The following CSMD3 variants were observed in gnomAD, a reference collection of about 807,000 sequenced individuals.
CSMD3 encodes CUB and Sushi multiple domains 3, also known as CUB and sushi domain-containing protein 3.
CSMD3 carries 177 observed loss-of-function variants against 435.2 expected under a neutral mutation model. That is an observed-to-expected ratio of 0.41 (90% CI 0.36 to 0.46). The LOEUF is 0.46. Ranked by LOEUF, CSMD3 falls within the 20% of genes least tolerant of loss-of-function variation. CSMD3 has a pLI of 0.34. For missense variants in CSMD3, 4,265 were observed against 4,504.6 expected (o/e 0.95, Z 1.52); for synonymous variants, 1,656 against 1,520.5 (o/e 1.09, Z -2.07).
At chr8:112,352,305 A>T (rs570347408) in intron 39 of CSMD3, 111 bp downstream of exon 39, 399 of 1,539,808 alleles carry the variant, frequency 2.6e-4, no homozygotes, top group Non-Finnish European at 3.4e-4. Flanking sequence ...TTTTGACCTC[A>T]GACACAAACC....
intron 3 of CSMD3, among the ~76,000 whole-genome samples, chr8:113,274,845 G>A (rs1481949746): frequency 1.5e-5 from 2 of 137,026 alleles, no homozygotes; most frequent in East Asian, 5.1e-4. Context: ...GAGAGAAAGA[G>A]AGAGAGAAAG....
chr8:112,330,227 C>T (rs544802259), intron 45 of CSMD3, among the ~76,000 whole-genome samples: 12 of 152,084 alleles, frequency 7.9e-5, no homozygotes, highest in African/African-American at 2.9e-4. Context: ...GTAGCATAAC[C>T]GTAAAAGATG....
chr8:112,677,448 T>C (rs1486307781), intron 16 of CSMD3, among the ~76,000 whole-genome samples: 2 of 150,654 alleles, frequency 1.3e-5, no homozygotes, highest in African/African-American at 4.9e-5. Context: ...TAAAAATCTC[T>C]GTTATTTATC....
Position 112,262,697 on chromosome 8 carries a change from C to T in CSMD3, c.9862+942G>A, listed in dbSNP as rs571682047. Among the ~76,000 whole-genome samples, 273 of 152,102 alleles carry T rather than the reference C, an allele frequency of 1.8e-3. 1 individual carries two copies. The highest frequency in any genetic ancestry group is 6.2e-3 in the African/African-American group (256 of 41,498). On this transcript the variant is annotated intron_variant, in intron 61 of 70. Coordinates refer to ENST00000297405, the MANE Select transcript of CSMD3 (RefSeq NM_198123.2). ...AAAGTGAATAGTGAACATAAAAGCC[C>T]TCTTGCAAAAGCACAGCTGAGTGCT...
At chr8:113,281,118 A>AT in intron 2 of CSMD3, among the ~76,000 whole-genome samples, 1 of 151,698 alleles carries the variant, frequency 6.6e-6, no homozygotes, top group Non-Finnish European at 1.5e-5. Flanking sequence ...AGTTTCATGC[A>AT]TTGTTTAATA....
chr8:112,467,759 C>T (rs970365923), intron 32 of CSMD3, among the ~76,000 whole-genome samples: 1 of 152,042 alleles, frequency 6.6e-6, no homozygotes, highest in Non-Finnish European at 1.5e-5. Flanking sequence ...TTAGGAGAAA[C>T]GGTCTTGTGA....
intron 54 of CSMD3, among the ~76,000 whole-genome samples, chr8:112,294,361 C>G (rs1238719057): frequency 1.3e-5 from 2 of 151,964 alleles, no homozygotes; most frequent in Non-Finnish European, 2.9e-5. Context: ...AATCTTTATC[C>G]TATGATCCTA....
intron 45 of CSMD3, among the ~76,000 whole-genome samples, chr8:112,323,824 G>T (rs1163749704): frequency 6.6e-6 from 1 of 151,924 alleles, no homozygotes; most frequent in African/African-American, 2.4e-5. Flanking sequence ...TTGTACAAAG[G>T]ACTCTGAAAA....
At chr8:112,346,759 A>G (rs1341288268) in intron 40 of CSMD3, among the ~76,000 whole-genome samples, 1 of 139,986 alleles carries the variant, frequency 7.1e-6, no homozygotes, top group East Asian at 2.1e-4. Flanking sequence ...GCTCACTGCA[A>G]GCTCCGCCTC....
intron 36 of CSMD3, among the ~76,000 whole-genome samples, chr8:112,387,483 G>GTA (rs1830077277): frequency 6.6e-6 from 1 of 151,580 alleles, no homozygotes; most frequent in African/African-American, 2.4e-5. Context: ...GTGTGTGTGT[G>GTA]TGTGTGTGTG....
chr8:112,522,770 C>A (rs941949449), intron 27 of CSMD3, among the ~76,000 whole-genome samples: 3 of 152,006 alleles, frequency 2.0e-5, no homozygotes, highest in Admixed American at 2.0e-4. Context: ...ATGGCTCTAA[C>A]TACTGCAAAA....
At chr8:113,337,063 C>T (rs79528563) in intron 1 of CSMD3, among the ~76,000 whole-genome samples, 4,508 of 152,138 alleles carry the variant, frequency 0.03, 89 homozygotes, top group Admixed American at 0.04. Flanking sequence ...TTTCTTGGTC[C>T]TTTGGGTACA....
chr8:113,334,255 T>C (rs1245183350), intron 1 of CSMD3, among the ~76,000 whole-genome samples: 1 of 149,862 alleles, frequency 6.7e-6, no homozygotes, highest in East Asian at 2.0e-4. Context: ...ACTTACAATA[T>C]CTGCAACTAG....
chr8:113,289,938 C>T (rs374383602), intron 2 of CSMD3, among the ~76,000 whole-genome samples: 143 of 151,688 alleles, frequency 9.4e-4, no homozygotes, highest in African/African-American at 3.0e-3. Flanking sequence ...CACCCACTCT[C>T]GGTTTTAGCA....
chr8:113,100,946 T>G (rs2090311970), intron 4 of CSMD3, among the ~76,000 whole-genome samples: 1 of 152,086 alleles, frequency 6.6e-6, no homozygotes, highest in African/African-American at 2.4e-5. Flanking sequence ...GTCGGTCTCC[T>G]TCCTTGTTTC....
At chr8:113,255,114 G>A (rs1371121335) in intron 3 of CSMD3, among the ~76,000 whole-genome samples, 1 of 152,040 alleles carries the variant, frequency 6.6e-6, no homozygotes, top group African/African-American at 2.4e-5. Context: ...AGATTTATTG[G>A]ACAAGAGACA....
intron 9 of CSMD3, among the ~76,000 whole-genome samples, chr8:112,928,782 TAG>T (rs2082998064): frequency 6.7e-6 from 1 of 150,258 alleles, no homozygotes. Context: ...GCATGATTTA[TAG>T]TCCTTTGGGT....
intron 10 of CSMD3, among the ~76,000 whole-genome samples, chr8:112,895,547 A>T (rs2081926117): frequency 6.6e-6 from 1 of 151,426 alleles, no homozygotes; most frequent in Non-Finnish European, 1.5e-5. Context: ...AAAGAAAATG[A>T]ATAGGTGGAT....
intron 13 of CSMD3, among the ~76,000 whole-genome samples, chr8:112,758,160 C>T (rs1417590890): frequency 6.6e-6 from 1 of 151,642 alleles, no homozygotes; most frequent in Non-Finnish European, 1.5e-5. Context: ...CAAGACCAGC[C>T]TGGCCAAGAT....
Sources: allele counts gnomAD v4.1 joint callset (sites outside exome capture counted in the v4.1 genomes callset), GRCh38; gene constraint gnomAD v4.1.1; transcripts MANE v1.5; gene names NCBI Gene and HGNC (gene_info 2026-07-23, HGNC 2026-07-21).